The following LARP4 variants were observed in gnomAD, a reference collection of about 807,000 sequenced individuals.
LARP4 encodes la-related protein 4.
In LARP4, 29 loss-of-function variants were observed where a neutral mutation model predicts 92.9. The ratio of observed to expected loss-of-function variants is 0.31; its 90% CI spans 0.23 to 0.43. The LOEUF (loss-of-function observed/expected upper bound fraction) is 0.43, where lower values mean the gene tolerates loss of function less well. Ranked by LOEUF, LARP4 falls within the 20% of genes least tolerant of loss-of-function variation. The pLI, the probability that LARP4 is intolerant of heterozygous loss-of-function variation, is 1.00. For missense variants in LARP4, 732 were observed against 860.0 expected, an observed-to-expected ratio of 0.85 and a Z score of 1.86; for synonymous variants, 279 against 284.1, an observed-to-expected ratio of 0.98 and a Z score of 0.18.
At chr12:50,408,872 G>A (rs1424181585) in intron 1 of LARP4, among the ~76,000 whole-genome samples, 3 of 152,058 alleles carry the variant, frequency 2.0e-5, no homozygotes, top group South Asian at 2.1e-4. Flanking sequence ...CTGGGTGGGC[G>A]TGGCTCATAC....
At chr12:50,437,423 T>C (rs1390802129) in intron 5 of LARP4, among the ~76,000 whole-genome samples, 1 of 151,762 alleles carries the variant, frequency 6.6e-6, no homozygotes, top group Non-Finnish European at 1.5e-5. Context: ...ATGAAGAATT[T>C]GGTTATTATA....
At chr12:50,432,918 C>T (rs561460722) in intron 4 of LARP4, among the ~76,000 whole-genome samples, 4 of 151,392 alleles carry the variant, frequency 2.6e-5, no homozygotes, top group East Asian at 1.9e-4. Context: ...TTGCGTTTGC[C>T]GCATTTTTGC....
intron 13 of LARP4, among the ~76,000 whole-genome samples, chr12:50,467,494 G>C (rs1180541588): frequency 6.6e-6 from 1 of 151,962 alleles, no homozygotes; most frequent in Non-Finnish European, 1.5e-5. Context: ...GTAGAGACAG[G>C]GTTTCGCCAC....
chr12:50,453,660 T>G lies in LARP4; in HGVS notation c.1005T>G (p.Phe335Leu), dbSNP rs1953680231. Residue 335 changes from phenylalanine (F) to leucine (L), a missense_variant, in exon 9 of 16, where the codon TTT (phenylalanine) becomes TTG (leucine). Physicochemically the swap from Phe to Leu is conservative, Grantham distance 22. Coordinates refer to ENST00000398473, the MANE Select transcript of LARP4 (RefSeq NM_052879.5). ...QSWSPNPTPYFETPLAPFPNG... is the reference protein window; with the variant it reads ...QSWSPNPTPYLETPLAPFPNG... ...GGTCTCCAAATCCTACACCTTACTT[T>G]GAAACACCACTGGTAAGTGAGATCC... 3 of 1,589,494 alleles carry G rather than the reference T, an allele frequency of 1.9e-6. 1 individual carries two copies. The South Asian group carries it at 3.4e-5, about 18-fold the overall frequency.
intron 12 of LARP4, among the ~76,000 whole-genome samples, chr12:50,465,245 G>C (rs1250944193): frequency 6.6e-6 from 1 of 151,786 alleles, no homozygotes; most frequent in Non-Finnish European, 1.5e-5. Flanking sequence ...GGTGGTGGGT[G>C]CCTGTAGTCC....
chr12:50,449,394 T>G (rs527788247), intron 8 of LARP4, among the ~76,000 whole-genome samples: 50 of 152,350 alleles, frequency 3.3e-4, no homozygotes, highest in African/African-American at 1.2e-3. Flanking sequence ...TTGAGTGCAG[T>G]TTAACATGAT....
At chr12:50,427,193 C>T (rs1469608377) in intron 1 of LARP4, among the ~76,000 whole-genome samples, 2 of 152,030 alleles carry the variant, frequency 1.3e-5, no homozygotes, top group Non-Finnish European at 2.9e-5. Flanking sequence ...TGTTCAGACT[C>T]TAAAGTATCA....
chr12:50,408,504 G>T (rs1198048000), intron 1 of LARP4, among the ~76,000 whole-genome samples: 1 of 152,076 alleles, frequency 6.6e-6, no homozygotes, highest in Non-Finnish European at 1.5e-5. Context: ...GCGAGAAAAG[G>T]ATTTCTCGTC....
At position 50,403,471 on chromosome 12, in the gene LARP4, A is replaced by T. The variant is rs967054099; in HGVS notation, c.18+2443A>T. Among the ~76,000 whole-genome samples, 8 of 152,248 alleles carry T rather than the reference A, an allele frequency of 5.3e-5. No individual in the cohort carries two copies. The East Asian group carries it at 1.5e-3, about 29-fold the overall frequency. Reference sequence around the variant, plus strand: ...TATATGTCAAAAATATTGTTAACGTATTGCTATATTAGACATTTTAAAATA... The same window carrying T: ...TATATGTCAAAAATATTGTTAACGTTTTGCTATATTAGACATTTTAAAATA... On this transcript the variant is annotated intron_variant, in intron 1 of 15. Coordinates refer to ENST00000398473, the MANE Select transcript of LARP4 (RefSeq NM_052879.5).
At chr12:50,402,713 T>G in intron 1 of LARP4, 1 of 449,380 alleles carries the variant, frequency 2.2e-6, no homozygotes, top group Admixed American at 2.5e-5. Flanking sequence ...GTAACTTTAC[T>G]TAGTAAAAGT....
In LARP4 at chr12:50,473,484, C is replaced by G; in HGVS notation, c.1615C>G (p.Gln539Glu). The change falls in exon 14 of 16, where the codon CAA becomes GAA. Residue 539 changes from glutamine to glutamate, a missense_variant. Physicochemically the swap from Gln to Glu is conservative, Grantham distance 29. Around this residue, in one of 7 missense-constraint regions of LARP4, gnomAD observed 97 missense variants for 85.9 expected, o/e 1.13. Transcript: ENST00000398473. Reference protein sequence around the residue: ...DEQTECTSAQQLNMSTSSPCA... With the variant: ...DEQTECTSAQELNMSTSSPCA... ...GCAGACAGAATGCACTTCTGCCCAG[C>G]AACTCAATATGAGTACCAGTTCTCC... is the stretch of plus-strand genomic sequence containing the variant. The G allele has an allele frequency of 6.2e-7, 1 of 1,613,148 alleles. No homozygotes were observed. The highest frequency in any genetic ancestry group is 8.5e-7 in the Non-Finnish European group (1 of 1,179,212).
At chr12:50,407,678 C>G (rs1945100427) in intron 1 of LARP4, among the ~76,000 whole-genome samples, 1 of 151,932 alleles carries the variant, frequency 6.6e-6, no homozygotes, top group Non-Finnish European at 1.5e-5. Flanking sequence ...AACCCCATGT[C>G]TACTAAAAAT....
At chr12:50,417,831 C>CT (rs1947094055) in intron 1 of LARP4, among the ~76,000 whole-genome samples, 1 of 151,832 alleles carries the variant, frequency 6.6e-6, no homozygotes, top group Non-Finnish European at 1.5e-5. Context: ...GTGGCTGGGA[C>CT]TACAGCCACA....
intron 10 of LARP4, among the ~76,000 whole-genome samples, chr12:50,455,243 G>T (rs775875827): frequency 1.8e-4 from 27 of 152,010 alleles, no homozygotes; most frequent in Non-Finnish European, 1.5e-4. Context: ...TTGTTGTGGG[G>T]GTAGAGACAG....
chr12:50,427,991 C>CTA, intron 2 of LARP4, 82 bp downstream of exon 2: 73 of 413,338 alleles, frequency 1.8e-4, no homozygotes, highest in Non-Finnish European at 2.3e-4. Context: ...TGAGACACAT[C>CTA]TCTTTTTTTT....
At chr12:50,445,839 A>G (rs960361735) in intron 8 of LARP4, among the ~76,000 whole-genome samples, 1 of 152,134 alleles carries the variant, frequency 6.6e-6, no homozygotes, top group Non-Finnish European at 1.5e-5. Flanking sequence ...AATGTTATCC[A>G]TGAATATATG....
intron 10 of LARP4, among the ~76,000 whole-genome samples, chr12:50,455,135 A>G (rs1953976714): frequency 6.6e-6 from 1 of 152,236 alleles, no homozygotes; most frequent in Non-Finnish European, 1.5e-5. Flanking sequence ...ACTATATGCT[A>G]TCATAAAGAT....
chr12:50,426,014 C>T lies in LARP4; in HGVS notation c.19-1748C>T, dbSNP rs572253136. 2.8e-4 allele frequency among the ~76,000 whole-genome samples: 43 copies of T among 152,260 alleles called. No homozygotes were observed. The South Asian group carries it at 4.8e-3, about 17-fold the overall frequency. On this transcript the variant is annotated intron_variant, in intron 1 of 15. Coordinates refer to ENST00000398473, the MANE Select transcript of LARP4 (RefSeq NM_052879.5). ...TGCCCTTCTCTAGAATCTCTCTACT[C>T]TCATATTGCATCCGGTTCTGTACCT...
intron 8 of LARP4, among the ~76,000 whole-genome samples, chr12:50,450,136 T>C (rs1009296786): frequency 2.6e-5 from 4 of 152,002 alleles, no homozygotes; most frequent in African/African-American, 7.2e-5. Context: ...GGTTTCACCA[T>C]GTTGGCCAGG....
Sources: gnomAD v4.1 joint callset for allele counts (sites outside exome capture counted in the v4.1 genomes callset) on GRCh38, gnomAD v4.1.1 for gene constraint, gnomAD v4.1.1 regional missense constraint, MANE v1.5 for transcripts, NCBI Gene and HGNC (gene_info 2026-07-23, HGNC 2026-07-21) for gene names.